MED27: variants seen among roughly 807,000 people sequenced by gnomAD.
MED27 encodes mediator complex subunit 27.
MED27 carries 30 observed loss-of-function variants against 38.2 expected under a neutral mutation model. The ratio of observed to expected loss-of-function variants is 0.79; its 90% CI spans 0.59 to 1.07. The LOEUF (loss-of-function observed/expected upper bound fraction) is 1.07, where lower values mean the gene tolerates loss of function less well. MED27 is among the 50% of genes least tolerant of loss of function. The pLI is 0.00. For synonymous variants in MED27, 122 were observed against 153.5 expected, an observed-to-expected ratio of 0.79 and a Z score of 1.52; for missense variants, 289 against 397.5, an observed-to-expected ratio of 0.73 and a Z score of 2.32.
chr9:132,046,726 T>C (rs1833348998), intron 2 of MED27, among the ~76,000 whole-genome samples: 2 of 152,132 alleles, frequency 1.3e-5, no homozygotes, highest in South Asian at 4.1e-4. Flanking sequence ...AGAAATTTCC[T>C]TTCCAGTTAA....
rs78095714 is a variant in MED27 at position 131,901,326 on chromosome 9, G to A, written c.574-7334C>T. ...CACTGGGCAAGGACACTGATTCACAGAATCATAGAACTGTAGGCTGAAAAG... is the reference window on the plus strand; with the variant it reads ...CACTGGGCAAGGACACTGATTCACAAAATCATAGAACTGTAGGCTGAAAAG... On this transcript the variant is annotated intron_variant, in intron 4 of 7. Transcript: ENST00000292035. Among the ~76,000 whole-genome samples the A allele has an allele frequency of 4.3e-4, 66 of 152,288 alleles. 1 individual carries two copies. The East Asian group carries it at 0.012, about 27-fold the overall frequency.
intron 4 of MED27, among the ~76,000 whole-genome samples, chr9:131,908,586 A>T (rs372383088): frequency 2.0e-5 from 3 of 152,276 alleles, no homozygotes; most frequent in South Asian, 2.1e-4. Context: ...CCCCCAACCC[A>T]GTGCTCTCTG....
At chr9:132,063,666 T>C (rs1481627312) in intron 2 of MED27, among the ~76,000 whole-genome samples, 1 of 152,200 alleles carries the variant, frequency 6.6e-6, no homozygotes, top group Non-Finnish European at 1.5e-5. Flanking sequence ...TTAAACACTT[T>C]AAAGGCATTT....
At chr9:132,062,528 G>A (rs1833719016) in intron 2 of MED27, among the ~76,000 whole-genome samples, 1 of 152,182 alleles carries the variant, frequency 6.6e-6, no homozygotes, top group South Asian at 2.1e-4. Flanking sequence ...CCAGAGCTGG[G>A]GTGCAATGGG....
intron 4 of MED27, among the ~76,000 whole-genome samples, chr9:131,927,332 G>C (rs1366709695): frequency 6.6e-6 from 1 of 152,194 alleles, no homozygotes; most frequent in Non-Finnish European, 1.5e-5. Flanking sequence ...GGCTTACAAG[G>C]ACACGAGAAG....
rs138454609 is a variant in MED27 at position 131,902,993 on chromosome 9, C to T, written c.574-9001G>A. ...CCCTCTTTAGGCTCCAGTTTTCTTG[C>T]CTGTCAACCCTGGAAGGAATGACAC... On this transcript the variant is annotated intron_variant, in intron 4 of 7. Transcript: ENST00000292035. Among the ~76,000 whole-genome samples the T allele has an allele frequency of 4.0e-3, 615 of 152,294 alleles. 18 individuals are homozygous for T. Among genetic ancestry groups the T allele is most frequent in the Admixed American group, 0.037 (563 of 15,294 alleles).
In MED27 at chr9:131,875,449, G is replaced by A. The variant is rs1402084200; in HGVS notation, c.723+8609C>T. The stretch of plus-strand genomic sequence containing the variant: ...ACTCCAGCCTATACCCTGAGCCACC[G>A]TGTCCACTGTGGAGATATGGGAAGC... On this transcript the variant is annotated intron_variant, in intron 6 of 7. Coordinates refer to ENST00000292035, the MANE Select transcript of MED27 (RefSeq NM_004269.4). 1.4e-4 allele frequency among the ~76,000 whole-genome samples: 22 copies of A among 152,138 alleles called. 1 individual carries two copies. The highest frequency in any genetic ancestry group is 1.3e-4 in the Admixed American group (2 of 15,272).
intron 3 of MED27, among the ~76,000 whole-genome samples, chr9:131,965,990 G>A (rs1191171799): frequency 1.3e-5 from 2 of 150,482 alleles, no homozygotes; most frequent in Non-Finnish European, 2.9e-5. Flanking sequence ...TCAGAGACCC[G>A]GGAGTCTTTA....
intron 3 of MED27, among the ~76,000 whole-genome samples, chr9:131,955,434 G>C (rs934919882): frequency 6.6e-6 from 1 of 151,952 alleles, no homozygotes; most frequent in African/African-American, 2.4e-5. Flanking sequence ...CAATGAAATA[G>C]AAGACAGATA....
chr9:132,038,209 T>TG (rs1833125202), intron 2 of MED27, among the ~76,000 whole-genome samples: 2 of 146,222 alleles, frequency 1.4e-5, no homozygotes, highest in Non-Finnish European at 3.0e-5. Context: ...TTTTTTTTTT[T>TG]GAGACGGAGT....
intron 3 of MED27, among the ~76,000 whole-genome samples, chr9:132,006,520 A>G (rs1175851595): frequency 6.6e-6 from 1 of 152,186 alleles, no homozygotes; most frequent in Non-Finnish European, 1.5e-5. Context: ...AACAAACCCC[A>G]GGTAATCAAG....
intron 6 of MED27, among the ~76,000 whole-genome samples, chr9:131,878,973 A>AC (rs1037824332): frequency 3.3e-5 from 5 of 152,134 alleles, no homozygotes; most frequent in African/African-American, 4.8e-5. Flanking sequence ...GCAGCCATAG[A>AC]CCCATAGCAA....
At chr9:131,950,972 C>A (rs551620036) in intron 3 of MED27, among the ~76,000 whole-genome samples, 1 of 152,336 alleles carries the variant, frequency 6.6e-6, no homozygotes, top group Middle Eastern at 3.4e-3. Context: ...ACAAAGTGAA[C>A]AGACACAGTG....
At chr9:131,974,167 A>T (rs1328109101) in intron 3 of MED27, among the ~76,000 whole-genome samples, 1 of 152,244 alleles carries the variant, frequency 6.6e-6, no homozygotes, top group Non-Finnish European at 1.5e-5. Context: ...GTGACATCTC[A>T]GAGTTGACTG....
In MED27 at chr9:131,872,508, C is replaced by T. The variant is rs1838855623; in HGVS notation, c.724-9368G>A. Among the ~76,000 whole-genome samples the T allele has an allele frequency of 6.6e-6, 1 of 152,170 alleles. No homozygotes were observed. The highest frequency in any genetic ancestry group is 1.5e-5 in the Non-Finnish European group (1 of 68,046). ...TCCAGCCAATATCGGCTTCTACGTACTGTGAAGAGAAGATTCTCTTAGATC... is the reference window on the plus strand; with the variant it reads ...TCCAGCCAATATCGGCTTCTACGTATTGTGAAGAGAAGATTCTCTTAGATC... On this transcript the variant is annotated intron_variant, in intron 6 of 7. Coordinates refer to ENST00000292035, the MANE Select transcript of MED27 (RefSeq NM_004269.4). This position sits in a 1 kb window ranked among gnomAD's most constrained non-coding sequence, Gnocchi z 5.6.
chr9:132,078,393 AT>A (rs1216515733), intron 1 of MED27, among the ~76,000 whole-genome samples: 3 of 152,200 alleles, frequency 2.0e-5, no homozygotes, highest in African/African-American at 7.2e-5. Flanking sequence ...AAGGGTTATA[AT>A]ATCCTGAACA....
intron 3 of MED27, among the ~76,000 whole-genome samples, chr9:131,985,778 G>A (rs1831836581): frequency 1.3e-5 from 2 of 151,884 alleles, no homozygotes; most frequent in Admixed American, 1.3e-4. Flanking sequence ...CCTTCAGGAG[G>A]GATCCAGAAG....
intron 2 of MED27, among the ~76,000 whole-genome samples, chr9:132,025,990 G>A (rs1832809265): frequency 6.6e-6 from 1 of 152,138 alleles, no homozygotes; most frequent in Admixed American, 6.5e-5. Flanking sequence ...TTTGGGGAAG[G>A]GGAATGCACA....
At chr9:131,979,023 T>C (rs1473601938) in intron 3 of MED27, among the ~76,000 whole-genome samples, 2 of 152,238 alleles carry the variant, frequency 1.3e-5, no homozygotes. Context: ...TTATCATCTT[T>C]ACATACATAA....
Sources: gnomAD v4.1 joint callset for allele counts (sites outside exome capture counted in the v4.1 genomes callset) on GRCh38, gnomAD v4.1.1 for gene constraint, Gnocchi (gnomAD v3.1) non-coding constraint, MANE v1.5 for transcripts, NCBI Gene and HGNC (gene_info 2026-07-23, HGNC 2026-07-21) for gene names.